The following EYS variants were observed in gnomAD, a reference collection of about 807,000 sequenced individuals.
EYS encodes protein eyes shut homolog.
Under a neutral mutation model 282.1 loss-of-function variants are expected in EYS, and 250 were observed. That is an observed-to-expected ratio of 0.89 (90% confidence interval 0.80 to 0.98). The LOEUF (loss-of-function observed/expected upper bound fraction) is 0.98. Among genes scored for constraint, EYS ranks in the 50% least tolerant of loss-of-function variants. EYS has a pLI of 0.00. For synonymous variants in EYS, 1,355 were observed against 1,282.9 expected (o/e 1.06, Z -1.20); for missense variants, 4,016 against 3,709.0 (o/e 1.08, Z -2.15).
At chr6:65,469,621 A>G (rs908850233) in intron 5 of EYS, among the ~76,000 whole-genome samples, 5 of 152,006 alleles carry the variant, frequency 3.3e-5, no homozygotes, top group African/African-American at 1.2e-4. Flanking sequence ...TCTTCTCTGT[A>G]TTTTTTATTT....
chr6:64,909,167 T>G (rs1303217584), intron 16 of EYS, among the ~76,000 whole-genome samples: 1 of 152,170 alleles, frequency 6.6e-6, no homozygotes, highest in Non-Finnish European at 1.5e-5. Context: ...AGAACCTATC[T>G]CAAGACTTGA....
chr6:64,763,230 GAACT>G (rs748296792), intron 22 of EYS, among the ~76,000 whole-genome samples: 26 of 152,248 alleles, frequency 1.7e-4, no homozygotes, highest in African/African-American at 5.3e-4. Context: ...TGCTATAAAA[GAACT>G]AACTGAGAGT....
chr6:64,280,754 G>C (rs1206543169), intron 30 of EYS, among the ~76,000 whole-genome samples: 1 of 152,114 alleles, frequency 6.6e-6, no homozygotes. Flanking sequence ...AATTGGTAAA[G>C]TCATCTAGCT....
At chr6:65,129,123 T>C (rs1034715657) in intron 12 of EYS, among the ~76,000 whole-genome samples, 1 of 151,812 alleles carries the variant, frequency 6.6e-6, no homozygotes, top group South Asian at 2.1e-4. Context: ...TGCAGAAGAG[T>C]GAAGTTGGAC....
At chr6:63,735,517 C>T (rs991892944) in intron 41 of EYS, among the ~76,000 whole-genome samples, 1 of 147,372 alleles carries the variant, frequency 6.8e-6, no homozygotes, top group African/African-American at 2.5e-5. Context: ...ACACACACAC[C>T]CTACTTATTA....
At chr6:65,244,736 A>T (rs1475142241) in intron 12 of EYS, among the ~76,000 whole-genome samples, 7 of 149,160 alleles carry the variant, frequency 4.7e-5, no homozygotes, top group African/African-American at 1.7e-4. Context: ...GTTAGCTAGG[A>T]TGGTCTCTAT....
At chr6:63,888,753 G>T (rs541836964) in intron 35 of EYS, among the ~76,000 whole-genome samples, 5 of 152,312 alleles carry the variant, frequency 3.3e-5, no homozygotes, top group East Asian at 1.9e-4. Context: ...TCACAACTTC[G>T]TGTAAGCAAG....
intron 42 of EYS, among the ~76,000 whole-genome samples, chr6:63,725,340 G>A (rs1260948055): frequency 1.3e-5 from 2 of 151,528 alleles, no homozygotes; most frequent in Non-Finnish European, 2.9e-5. Flanking sequence ...AATATGTATC[G>A]TTGTACTGAT....
chr6:65,632,345 A>T (rs956273770), intron 2 of EYS, among the ~76,000 whole-genome samples: 4 of 152,142 alleles, frequency 2.6e-5, no homozygotes, highest in African/African-American at 9.7e-5. Flanking sequence ...TGGAAGTGTA[A>T]ATACTCAAAT....
intron 12 of EYS, among the ~76,000 whole-genome samples, chr6:65,206,264 G>A (rs1453862968): frequency 6.6e-6 from 1 of 151,584 alleles, no homozygotes; most frequent in South Asian, 2.1e-4. Context: ...AACATCAGCT[G>A]TATGTGCACA....
chr6:64,426,289 C>T (rs774318873), intron 28 of EYS, among the ~76,000 whole-genome samples: 49 of 152,134 alleles, frequency 3.2e-4, no homozygotes, highest in Non-Finnish European at 6.2e-4. Flanking sequence ...ACTAACAACA[C>T]TCTTTTTTAT....
intron 24 of EYS, among the ~76,000 whole-genome samples, chr6:64,614,357 CATCATGT>C (rs1767201789): frequency 6.6e-6 from 1 of 152,012 alleles, no homozygotes; most frequent in Non-Finnish European, 1.5e-5. Context: ...TTACGCAATG[CATCATGT>C]GTTTAAATAT....
At chr6:64,497,481 A>G (rs1263909881) in intron 26 of EYS, among the ~76,000 whole-genome samples, 1 of 152,174 alleles carries the variant, frequency 6.6e-6, no homozygotes, top group Non-Finnish European at 1.5e-5. Context: ...GCACAGTGTG[A>G]TTGCAAGAAC....
intron 33 of EYS, among the ~76,000 whole-genome samples, chr6:64,006,684 T>G (rs1420568981): frequency 6.6e-6 from 1 of 152,154 alleles, no homozygotes. Flanking sequence ...ATGCCTAGTT[T>G]ATTGAGGGTT....
intron 15 of EYS, among the ~76,000 whole-genome samples, chr6:64,916,730 G>T (rs1768176557): frequency 6.6e-6 from 1 of 152,044 alleles, no homozygotes; most frequent in Admixed American, 6.6e-5. Context: ...GTGACTTTTT[G>T]AGTGTACAAT....
At chr6:65,172,118 A>G (rs914245539) in intron 12 of EYS, among the ~76,000 whole-genome samples, 7 of 151,142 alleles carry the variant, frequency 4.6e-5, no homozygotes, top group Non-Finnish European at 1.0e-4. Context: ...AGAGAACTGC[A>G]ATACTCATTG....
chr6:64,040,937 C>T (rs1430150987), intron 33 of EYS, among the ~76,000 whole-genome samples: 1 of 152,064 alleles, frequency 6.6e-6, no homozygotes, highest in Non-Finnish European at 1.5e-5. Context: ...TAGAGGTATT[C>T]ATTTCAAAAT....
At chr6:65,482,338 T>A (rs1765638379) in intron 5 of EYS, among the ~76,000 whole-genome samples, 1 of 152,198 alleles carries the variant, frequency 6.6e-6, no homozygotes, top group Non-Finnish European at 1.5e-5. Flanking sequence ...TATACATGTG[T>A]GCTTATCAGC....
chr6:63,783,936 C>T (rs1770300772), intron 39 of EYS, among the ~76,000 whole-genome samples: 1 of 152,086 alleles, frequency 6.6e-6, no homozygotes. Flanking sequence ...CTGGGTAAAG[C>T]AGATTGCCCT....
Sources: gnomAD v4.1 joint callset for allele counts (sites outside exome capture counted in the v4.1 genomes callset) on GRCh38, gnomAD v4.1.1 for gene constraint, MANE v1.5 for transcripts, NCBI Gene and HGNC (gene_info 2026-07-23, HGNC 2026-07-21) for gene names.